TMEM178A: variants seen among roughly 807,000 people sequenced by gnomAD.
TMEM178A encodes the protein transmembrane protein 178A, also known as transmembrane protein 178.
A neutral mutation model predicts 29.1 loss-of-function variants in TMEM178A; 12 were observed. The observed-to-expected ratio is 0.41, with a 90% CI of 0.26 to 0.67. The LOEUF (loss-of-function observed/expected upper bound fraction) is 0.67, where lower values mean the gene tolerates loss of function less well. Ranked by LOEUF, TMEM178A falls within the 30% of genes least tolerant of loss-of-function variation. TMEM178A has a pLI of 0.29. For synonymous variants in TMEM178A, 210 were observed against 187.2 expected (o/e 1.12, Z -0.99); for missense variants, 366 against 419.1 (o/e 0.87, Z 1.11).
Position 39,717,072 on chromosome 2 carries a change from C to A in TMEM178A, c.715C>A (p.Leu239Ile), listed in dbSNP as rs1277770518. Residue 239 changes from leucine (L) to isoleucine (I), a missense_variant, in exon 4 of 4, where the codon CTC becomes ATC. Physicochemically the swap from Leu to Ile is conservative, Grantham distance 5. Coordinates refer to ENST00000281961, the MANE Select transcript of TMEM178A (RefSeq NM_152390.3). The stretch of plus-strand genomic sequence containing the variant: ...CAGTATCTCGTATGATTTGAACCGG[C>A]TCCCAAAGCTAATTTATAGCCTGCC... ...AASISYDLNR[L>I]PKLIYSLPAD... 9.3e-6 allele frequency: 15 copies of A among 1,611,014 alleles called. No individual in the cohort carries two copies. Among genetic ancestry groups the A allele is most frequent in the Non-Finnish European group, 1.0e-5 (12 of 1,179,534 alleles).
chr2:39,670,942 T>C (rs1025030410), intron 1 of TMEM178A, among the ~76,000 whole-genome samples: 2 of 152,170 alleles, frequency 1.3e-5, no homozygotes, highest in Non-Finnish European at 1.5e-5. Context: ...TTATCTGCAA[T>C]AAAAACAGAA....
downstream of TMEM178A, among the ~76,000 whole-genome samples, chr2:39,722,924 G>A (rs928427991): frequency 1.3e-5 from 2 of 152,108 alleles, no homozygotes; most frequent in Admixed American, 1.3e-4. Flanking sequence ...GACCTTAGAG[G>A]TAAATTCCCT....
At chr2:39,686,864 G>T (rs1477799894) in intron 1 of TMEM178A, among the ~76,000 whole-genome samples, 2 of 152,094 alleles carry the variant, frequency 1.3e-5, no homozygotes, top group African/African-American at 2.4e-5. Flanking sequence ...TGCCTGGTTG[G>T]CTACGTCATC....
intron 2 of TMEM178A, among the ~76,000 whole-genome samples, chr2:39,705,959 G>A (rs568802272): frequency 6.6e-6 from 1 of 152,220 alleles, no homozygotes; most frequent in Non-Finnish European, 1.5e-5. Context: ...GAAATTTAGC[G>A]AACAATTTTT....
intron 1 of TMEM178A, among the ~76,000 whole-genome samples, chr2:39,668,199 A>T (rs1042384860): frequency 1.3e-5 from 2 of 152,220 alleles, no homozygotes. Flanking sequence ...GAAGGACTTT[A>T]GAGGTCATTG....
At chr2:39,730,981 T>C in the TMEM178A span, among the ~76,000 whole-genome samples, 2 of 152,294 alleles carry the variant, frequency 1.3e-5, no homozygotes, top group African/African-American at 2.4e-5. Context: ...GCTGGCACAA[T>C]AACTGGGTGT....
intron 1 of TMEM178A, among the ~76,000 whole-genome samples, chr2:39,686,588 T>C (rs571969452): frequency 6.6e-6 from 1 of 151,400 alleles, no homozygotes; most frequent in East Asian, 2.0e-4. Flanking sequence ...ATAGGAATGC[T>C]GATGTGCTGC....
intron 1 of TMEM178A, among the ~76,000 whole-genome samples, chr2:39,699,911 A>G (rs1474222053): frequency 6.6e-6 from 1 of 152,164 alleles, no homozygotes; most frequent in Non-Finnish European, 1.5e-5. Flanking sequence ...CTTATCGGTT[A>G]TTTAGGAGTA....
At chr2:39,704,039 A>C in intron 1 of TMEM178A, 42 bp from the exon 2 acceptor site, 1 of 1,570,502 alleles carries the variant, frequency 6.4e-7, no homozygotes, top group Non-Finnish European at 8.7e-7. Context: ...ATTCTGTTAC[A>C]AATAAGCAGA....
At chr2:39,702,317 G>T (rs1242057542) in intron 1 of TMEM178A, among the ~76,000 whole-genome samples, 1 of 151,980 alleles carries the variant, frequency 6.6e-6, no homozygotes, top group Non-Finnish European at 1.5e-5. Context: ...ACTAATTATT[G>T]TACAGAAATG....
chr2:39,728,276 A>G, the TMEM178A span, among the ~76,000 whole-genome samples: 2 of 152,052 alleles, frequency 1.3e-5, no homozygotes. Context: ...ATGGTATCTC[A>G]TTGTGGTTTT....
intron 3 of TMEM178A, among the ~76,000 whole-genome samples, chr2:39,711,159 C>T (rs143133958): frequency 6.6e-5 from 10 of 152,214 alleles, no homozygotes; most frequent in Non-Finnish European, 1.3e-4. Flanking sequence ...ACACAGGTGA[C>T]TGAGGGAATA....
In TMEM178A at chr2:39,666,277, C is replaced by A. The variant is rs1352479537; in HGVS notation, c.303C>A (p.Ala101=). The change falls in exon 1 of 4, where the codon GCC becomes GCA. Residue 101 remains alanine (A), a synonymous_variant. Transcript: ENST00000281961. The part of the protein sequence containing the change: ...RSLLGLGGLD[A]ECGRPLFATY... The stretch of plus-strand genomic sequence containing the variant: ...TCCTGGGGCTCGGCGGGCTGGACGC[C>A]GAGTGCGGCCGGCCCCTCTTCGCCA... 1 of 1,396,570 alleles carries A rather than the reference C, an allele frequency of 7.2e-7. No individual in the cohort carries two copies. Among genetic ancestry groups the A allele is most frequent in the Admixed American group, 2.7e-5 (1 of 37,498 alleles). 86.5% of individuals were successfully genotyped at this position (1,396,570 alleles called of 1,614,324 possible). A position where few individuals can be genotyped will look rare whatever the true frequency, so the allele number is the denominator to read the frequency against.
chr2:39,716,123 C>A (rs149867155), intron 3 of TMEM178A, among the ~76,000 whole-genome samples: 1 of 152,208 alleles, frequency 6.6e-6, no homozygotes, highest in Non-Finnish European at 1.5e-5. Flanking sequence ...CATTCTGATA[C>A]TTGATTGGGT....
chr2:39,731,193 T>C, the TMEM178A span, among the ~76,000 whole-genome samples: 1 of 152,140 alleles, frequency 6.6e-6, no homozygotes, highest in African/African-American at 2.4e-5. Context: ...AAATACAGAG[T>C]AAATAGTTAT....
At chr2:39,714,974 T>G (rs1672473421) in intron 3 of TMEM178A, among the ~76,000 whole-genome samples, 1 of 152,220 alleles carries the variant, frequency 6.6e-6, no homozygotes, top group African/African-American at 2.4e-5. Context: ...TTGACACTCT[T>G]AGGGACTTCA....
chr2:39,682,381 GTT>G (rs529229212), intron 1 of TMEM178A, among the ~76,000 whole-genome samples: 5 of 145,980 alleles, frequency 3.4e-5, no homozygotes, highest in African/African-American at 1.0e-4. Flanking sequence ...AGTTTACTAT[GTT>G]TTTTTTTTTT....
the TMEM178A span, among the ~76,000 whole-genome samples, chr2:39,734,019 C>G: frequency 6.6e-6 from 1 of 152,148 alleles, no homozygotes. Context: ...TGCTACTTCT[C>G]CCAACAAATC....
At chr2:39,697,650 G>A (rs1671601082) in intron 1 of TMEM178A, among the ~76,000 whole-genome samples, 1 of 152,184 alleles carries the variant, frequency 6.6e-6, no homozygotes, top group African/African-American at 2.4e-5. Flanking sequence ...CAGAATTCTT[G>A]GCACTTTAAA....
Sources: gnomAD v4.1 joint callset for allele counts (sites outside exome capture counted in the v4.1 genomes callset) on GRCh38, gnomAD v4.1.1 for gene constraint, MANE v1.5 for transcripts, NCBI Gene and HGNC (gene_info 2026-07-23, HGNC 2026-07-21) for gene names.